PCDH15: variants seen among roughly 807,000 people sequenced by gnomAD.
The protein encoded by PCDH15 is protocadherin-15.
PCDH15 carries 129 observed loss-of-function variants against 178.5 expected under a neutral mutation model. The ratio of observed to expected loss-of-function variants is 0.72; its 90% CI spans 0.63 to 0.84. PCDH15 has a LOEUF of 0.84. Among genes scored for constraint, PCDH15 ranks in the 40% least tolerant of loss-of-function variants. The pLI is 0.00. For missense variants in PCDH15, 2,230 were observed against 2,099.9 expected (o/e 1.06, Z -1.21); for synonymous variants, 800 against 732.0 (o/e 1.09, Z -1.50).
At chr10:54,702,527 C>A in intron 1 of PCDH15, among the ~76,000 whole-genome samples, 2 of 112,878 alleles carry the variant, frequency 1.8e-5, no homozygotes, top group South Asian at 2.9e-4. Flanking sequence ...ACATTACTTC[C>A]AATTCCACAG....
chr10:54,323,537 G>A (rs990515199), intron 7 of PCDH15, among the ~76,000 whole-genome samples: 1 of 152,092 alleles, frequency 6.6e-6, no homozygotes, highest in African/African-American at 2.4e-5. Flanking sequence ...CAAAGCCATA[G>A]AAAAGAATGA....
chr10:55,413,467 A>G (rs1838396107), intron 2 of PCDH15, among the ~76,000 whole-genome samples: 1 of 151,760 alleles, frequency 6.6e-6, no homozygotes, highest in African/African-American at 2.4e-5. Flanking sequence ...GGTCTATGAT[A>G]GACAACTTTT....
chr10:54,900,366 T>A (rs1265280077), intron 2 of PCDH15, among the ~76,000 whole-genome samples: 2 of 152,172 alleles, frequency 1.3e-5, no homozygotes, highest in African/African-American at 4.8e-5. Flanking sequence ...AAACTTATAA[T>A]ATTTAATAAA....
intron 2 of PCDH15, among the ~76,000 whole-genome samples, chr10:54,617,795 G>A (rs1279297587): frequency 4.0e-5 from 6 of 150,452 alleles, no homozygotes; most frequent in Non-Finnish European, 8.9e-5. Context: ...GCATAGTGGC[G>A]GGCACCTATA....
intron 2 of PCDH15, among the ~76,000 whole-genome samples, chr10:55,510,773 T>G (rs560353157): frequency 1.3e-5 from 2 of 151,074 alleles, no homozygotes; most frequent in East Asian, 3.9e-4. Flanking sequence ...TGATTATACT[T>G]TTAGAAATAT....
intron 8 of PCDH15, among the ~76,000 whole-genome samples, chr10:54,282,426 G>A (rs1316108654): frequency 6.6e-6 from 1 of 152,050 alleles, no homozygotes; most frequent in Admixed American, 6.6e-5. Flanking sequence ...AAATTTTAGA[G>A]ATGAATTATA....
intron 25 of PCDH15, among the ~76,000 whole-genome samples, chr10:53,917,111 C>T (rs555210216): frequency 5.9e-5 from 9 of 152,130 alleles, no homozygotes; most frequent in African/African-American, 2.2e-4. Context: ...AATGAAATAA[C>T]TATTGGAAAA....
chr10:55,512,141 C>A (rs925546704), intron 2 of PCDH15, among the ~76,000 whole-genome samples: 1 of 151,920 alleles, frequency 6.6e-6, no homozygotes, highest in African/African-American at 2.4e-5. Flanking sequence ...AAAACTAGTC[C>A]ATTTTCTTAA....
chr10:55,436,440 G>A (rs1839042331), intron 2 of PCDH15, among the ~76,000 whole-genome samples: 1 of 151,988 alleles, frequency 6.6e-6, no homozygotes, highest in Admixed American at 6.6e-5. Context: ...TGACATATAA[G>A]TTATTTATAT....
intron 1 of PCDH15, among the ~76,000 whole-genome samples, chr10:55,208,486 T>C (rs1254620444): frequency 6.6e-6 from 1 of 152,084 alleles, no homozygotes; most frequent in Non-Finnish European, 1.5e-5. Context: ...TAACCTTCTA[T>C]GTCTTTGCTT....
intron 2 of PCDH15, among the ~76,000 whole-genome samples, chr10:55,165,653 A>T (rs1839176317): frequency 6.6e-6 from 1 of 151,998 alleles, no homozygotes; most frequent in Non-Finnish European, 1.5e-5. Flanking sequence ...CTCGTGGATG[A>T]AAGAGAGTTT....
At chr10:55,070,919 T>A (rs1221272246) in intron 2 of PCDH15, among the ~76,000 whole-genome samples, 1 of 152,160 alleles carries the variant, frequency 6.6e-6, no homozygotes, top group Non-Finnish European at 1.5e-5. Context: ...GCATGGAATG[T>A]TCTTCCATTT....
intron 3 of PCDH15, among the ~76,000 whole-genome samples, chr10:54,522,962 GA>G (rs1217467683): frequency 6.6e-6 from 1 of 152,154 alleles, no homozygotes; most frequent in Non-Finnish European, 1.5e-5. Flanking sequence ...ACCAACTTAA[GA>G]AGCAACACTC....
At chr10:54,293,219 C>T (rs893590787) in intron 8 of PCDH15, among the ~76,000 whole-genome samples, 11 of 152,022 alleles carry the variant, frequency 7.2e-5, no homozygotes, top group African/African-American at 1.9e-4. Context: ...AATGGGGAAA[C>T]GATTCCCTAT....
At chr10:54,580,283 A>T (rs1161997222) in intron 2 of PCDH15, among the ~76,000 whole-genome samples, 1 of 152,028 alleles carries the variant, frequency 6.6e-6, no homozygotes, top group Non-Finnish European at 1.5e-5. Flanking sequence ...AACAAGGATG[A>T]CATTACAGCC....
At chr10:54,085,595 A>C (rs2094502830) in intron 16 of PCDH15, among the ~76,000 whole-genome samples, 1 of 152,194 alleles carries the variant, frequency 6.6e-6, no homozygotes, top group Non-Finnish European at 1.5e-5. Flanking sequence ...AGAAAAATGC[A>C]TTATATTAGA....
At chr10:54,380,881 T>A (rs1307216168) in intron 3 of PCDH15, among the ~76,000 whole-genome samples, 2 of 150,742 alleles carry the variant, frequency 1.3e-5, no homozygotes, top group African/African-American at 4.9e-5. Context: ...TGTATCTGGA[T>A]TTATATTTTA....
rs566002178 is a variant in PCDH15, at chr10:54,914,542, G to A, written c.-79-17042C>T. On this transcript the variant is annotated intron_variant, in intron 2 of 5. Coordinates refer to the PCDH15 transcript ENST00000458638. ...AAGATCAAAGTTACTGGTTTTCCAT[G>A]GAAACTCAAAACATATGGAATAGGG... Among the ~76,000 whole-genome samples the A allele has an allele frequency of 4.6e-5, 7 of 152,168 alleles. No homozygotes were observed. In the South Asian group the frequency reaches 1.2e-3, roughly 27 times the overall value.
intron 2 of PCDH15, among the ~76,000 whole-genome samples, chr10:54,981,384 G>T (rs1489365026): frequency 6.6e-6 from 1 of 152,006 alleles, no homozygotes; most frequent in Non-Finnish European, 1.5e-5. Flanking sequence ...GGAAAATTCT[G>T]ATGAATACAA....
Sources: gnomAD v4.1 joint callset for allele counts (sites outside exome capture counted in the v4.1 genomes callset) on GRCh38, gnomAD v4.1.1 for gene constraint, MANE v1.5 for transcripts, NCBI Gene and HGNC (gene_info 2026-07-23, HGNC 2026-07-21) for gene names.